HIVEP1: variants seen among roughly 807,000 people sequenced by gnomAD.
HIVEP1 encodes zinc finger protein 40.
Under a neutral mutation model 180.0 loss-of-function variants are expected in HIVEP1, and 36 were observed. The observed-to-expected ratio is 0.20, with a 90% CI of 0.15 to 0.26. The LOEUF (loss-of-function observed/expected upper bound fraction) is 0.26, where lower values mean the gene tolerates loss of function less well. Among genes scored for constraint, HIVEP1 ranks in the 10% least tolerant of loss-of-function variants. HIVEP1 has a pLI of 1.00. For synonymous variants in HIVEP1, 1,239 were observed against 1,239.0 expected (o/e 1.00, Z 0.00); for missense variants, 3,143 against 3,268.7 (o/e 0.96, Z 0.94).
At chr6:12,172,125 T>C in the HIVEP1 span, among the ~76,000 whole-genome samples, 4 of 152,242 alleles carry the variant, frequency 2.6e-5, no homozygotes, top group Admixed American at 2.0e-4. Context: ...TCAAGTTTTG[T>C]TCATTTTGTA....
the HIVEP1 span, among the ~76,000 whole-genome samples, chr6:12,197,016 G>C: frequency 3.3e-5 from 5 of 152,198 alleles, no homozygotes; most frequent in Non-Finnish European, 7.3e-5. Flanking sequence ...GAGGTAGTAA[G>C]TAAATCAACT....
At chr6:12,040,904 T>G (rs1239816002) in intron 2 of HIVEP1, among the ~76,000 whole-genome samples, 1 of 152,050 alleles carries the variant, frequency 6.6e-6, no homozygotes, top group African/African-American at 2.4e-5. Context: ...CCACACACTT[T>G]TAAACAACCA....
chr6:12,126,899 C>T (rs991392909), intron 4 of HIVEP1, among the ~76,000 whole-genome samples: 6 of 152,082 alleles, frequency 3.9e-5, no homozygotes, highest in African/African-American at 1.4e-4. Flanking sequence ...CACTCTGTCA[C>T]CCAGGCTGGA....
At chr6:12,060,524 A>G (rs930029619) in intron 2 of HIVEP1, among the ~76,000 whole-genome samples, 2 of 152,214 alleles carry the variant, frequency 1.3e-5, no homozygotes, top group African/African-American at 2.4e-5. Flanking sequence ...ATGCATATTA[A>G]GTACTGATTG....
At chr6:12,211,804 T>G in the HIVEP1 span, among the ~76,000 whole-genome samples, 3 of 152,082 alleles carry the variant, frequency 2.0e-5, no homozygotes, top group East Asian at 5.8e-4. Context: ...CTTTCAGGAG[T>G]CAAGAGGAAC....
intron 3 of HIVEP1, among the ~76,000 whole-genome samples, chr6:12,091,071 A>G (rs1773445161): frequency 6.6e-6 from 1 of 152,162 alleles, no homozygotes; most frequent in South Asian, 2.1e-4. Flanking sequence ...AAAATAAAAT[A>G]GTTTTCCCTT....
chr6:12,019,598 C>T (rs1172765411), intron 2 of HIVEP1, among the ~76,000 whole-genome samples: 1 of 152,190 alleles, frequency 6.6e-6, no homozygotes, highest in East Asian at 1.9e-4. Context: ...TTTCAGGAAA[C>T]CCATCGCCTC....
intron 6 of HIVEP1, among the ~76,000 whole-genome samples, chr6:12,132,767 A>AG (rs1434244023): frequency 6.6e-6 from 1 of 152,188 alleles, no homozygotes; most frequent in African/African-American, 2.4e-5. Flanking sequence ...ATTTATTTGA[A>AG]GGAGGCTATC....
chr6:12,067,726 C>A lies in HIVEP1; in HGVS notation c.41-21458C>A, dbSNP rs569181145. ...TCCTGCCTGTCCTCCCCAGACCATGCACTCCATGGTCTGGTGAGGGGCTGT... is the reference window on the plus strand; with the variant it reads ...TCCTGCCTGTCCTCCCCAGACCATGAACTCCATGGTCTGGTGAGGGGCTGT... On this transcript the variant is annotated intron_variant, in intron 2 of 8. Coordinates refer to ENST00000379388, the MANE Select transcript of HIVEP1 (RefSeq NM_002114.4). 5.3e-5 allele frequency among the ~76,000 whole-genome samples: 8 copies of A among 152,162 alleles called. No homozygotes were observed. The East Asian group carries it at 1.5e-3, about 29-fold the overall frequency.
chr6:12,042,784 ATTTC>A (rs1215010744), intron 2 of HIVEP1, among the ~76,000 whole-genome samples: 4 of 152,110 alleles, frequency 2.6e-5, no homozygotes, highest in Non-Finnish European at 4.4e-5. Flanking sequence ...ATCTGAAGTT[ATTTC>A]TTATAATAGT....
chr6:12,169,662 C>G (rs1480319469), downstream of HIVEP1, among the ~76,000 whole-genome samples: 1 of 152,080 alleles, frequency 6.6e-6, no homozygotes, highest in Non-Finnish European at 1.5e-5. Flanking sequence ...TTTGTGTATA[C>G]AGGGGATTGC....
intron 4 of HIVEP1, among the ~76,000 whole-genome samples, chr6:12,129,313 G>GCT (rs1758281022): frequency 6.6e-6 from 1 of 152,318 alleles, no homozygotes; most frequent in East Asian, 1.9e-4. Flanking sequence ...GAGACTTAAT[G>GCT]ATGTTTCTAA....
In HIVEP1 at chr6:12,096,564, AT is replaced by A. The variant is rs200382127; in HGVS notation, c.94+7328del. On this transcript the variant is annotated intron_variant, in intron 3 of 8. Transcript: ENST00000379388. The stretch of plus-strand genomic sequence containing the variant: ...ATTTTACAATGATATTATTAAAAAA[AT>A]ATAATAATATTTTTGAAGATAATGT... Among the ~76,000 whole-genome samples, 461 of 151,980 alleles carry A rather than the reference AT, an allele frequency of 3.0e-3. 2 individuals carry two copies. Among genetic ancestry groups the A allele is most frequent in the African/African-American group, 0.01 (425 of 41,550 alleles).
At chr6:12,062,438 A>G (rs1456192596) in intron 2 of HIVEP1, among the ~76,000 whole-genome samples, 1 of 152,156 alleles carries the variant, frequency 6.6e-6, no homozygotes, top group African/African-American at 2.4e-5. Flanking sequence ...TATTGATGTA[A>G]TTAAACATTT....
chr6:12,202,973 G>A, the HIVEP1 span, among the ~76,000 whole-genome samples: 2 of 152,210 alleles, frequency 1.3e-5, no homozygotes, highest in African/African-American at 2.4e-5. Context: ...ATGTGCATTT[G>A]TGAACTGTGC....
chr6:12,152,380 T>G (rs933972439), intron 7 of HIVEP1, among the ~76,000 whole-genome samples: 11 of 151,968 alleles, frequency 7.2e-5, no homozygotes, highest in African/African-American at 2.7e-4. Flanking sequence ...AGTACGACTT[T>G]TGATTCAGCA....
chr6:12,104,838 G>A (rs990116424), intron 3 of HIVEP1, among the ~76,000 whole-genome samples: 7 of 151,964 alleles, frequency 4.6e-5, no homozygotes, highest in Non-Finnish European at 1.5e-5. Context: ...CAAATATGCT[G>A]TGTCTCTTTA....
chr6:12,032,192 G>A (rs1310243609), intron 2 of HIVEP1, among the ~76,000 whole-genome samples: 1 of 148,574 alleles, frequency 6.7e-6, no homozygotes, highest in African/African-American at 2.5e-5. Flanking sequence ...CCAGGCTGGA[G>A]TGTAGTGGCG....
At chr6:12,021,503 G>C (rs901607094) in intron 2 of HIVEP1, among the ~76,000 whole-genome samples, 4 of 152,088 alleles carry the variant, frequency 2.6e-5, no homozygotes, top group African/African-American at 7.2e-5. Flanking sequence ...CCCCTCCACA[G>C]ACATGCCCTG....
Sources: allele counts gnomAD v4.1 joint callset (sites outside exome capture counted in the v4.1 genomes callset), GRCh38; gene constraint gnomAD v4.1.1; transcripts MANE v1.5; gene names NCBI Gene and HGNC (gene_info 2026-07-23, HGNC 2026-07-21).